Variants in SNTG2 observed in about 807,000 individuals in gnomAD.
The protein encoded by SNTG2 is gamma-2-syntrophin.
SNTG2 carries 74 observed loss-of-function variants against 70.9 expected under a neutral mutation model. The ratio of observed to expected loss-of-function variants is 1.04; its 90% confidence interval spans 0.86 to 1.27. The LOEUF (loss-of-function observed/expected upper bound fraction) is 1.27. Ranked by LOEUF, SNTG2 falls within the 50% of genes most tolerant of loss-of-function variation. The pLI, the probability that SNTG2 is intolerant of heterozygous loss-of-function variation, is 0.00. For missense variants in SNTG2, 717 were observed against 690.7 expected (o/e 1.04, Z -0.43); for synonymous variants, 278 against 273.8 (o/e 1.02, Z -0.15).
At chr2:1,113,378 A>G (rs74687406) in intron 4 of SNTG2, among the ~76,000 whole-genome samples, 1 of 143,764 alleles carries the variant, frequency 7.0e-6, no homozygotes, top group African/African-American at 2.6e-5. Flanking sequence ...AGTGTTTTGA[A>G]AAGGATCGTG....
chr2:1,194,164 A>G (rs1174600958), intron 8 of SNTG2, among the ~76,000 whole-genome samples: 2 of 152,210 alleles, frequency 1.3e-5, no homozygotes, highest in East Asian at 1.9e-4. Context: ...TCCTCTCTTT[A>G]TAAGAAGCTG....
chr2:1,261,141 AT>A (rs1287420976), intron 13 of SNTG2, among the ~76,000 whole-genome samples: 1 of 152,204 alleles, frequency 6.6e-6, no homozygotes, highest in Non-Finnish European at 1.5e-5. Flanking sequence ...TAAAAAAGAG[AT>A]TAAATTATAT....
intron 2 of SNTG2, among the ~76,000 whole-genome samples, chr2:1,087,168 C>T (rs1307388005): frequency 6.6e-6 from 1 of 152,180 alleles, no homozygotes; most frequent in Non-Finnish European, 1.5e-5. Context: ...CGACAGATAG[C>T]AGGAGGGGTA....
chr2:1,134,991 C>G (rs912823201), intron 4 of SNTG2, among the ~76,000 whole-genome samples: 5 of 152,182 alleles, frequency 3.3e-5, no homozygotes, highest in African/African-American at 1.2e-4. Flanking sequence ...TTGAGACAGA[C>G]GCTGGGCTGC....
At chr2:953,998 C>T (rs1164311593) in intron 1 of SNTG2, among the ~76,000 whole-genome samples, 2 of 152,038 alleles carry the variant, frequency 1.3e-5, no homozygotes, top group African/African-American at 4.8e-5. Context: ...GGTGTGTTTG[C>T]ATCGCAGGCC....
intron 4 of SNTG2, among the ~76,000 whole-genome samples, chr2:1,128,224 A>G (rs6724119): frequency 0.59 from 90,381 of 151,956 alleles, 27,597 homozygotes; most frequent in East Asian, 0.72. Context: ...TTGCCATTCT[A>G]TAAGGAATGC....
chr2:1,014,651 G>T (rs1324556041), intron 1 of SNTG2, among the ~76,000 whole-genome samples: 1 of 140,730 alleles, frequency 7.1e-6, no homozygotes, highest in Non-Finnish European at 1.6e-5. Context: ...GTCTGTAGAG[G>T]GATTTATATG....
intron 9 of SNTG2, among the ~76,000 whole-genome samples, chr2:1,223,499 T>C (rs1265055881): frequency 6.6e-6 from 1 of 152,254 alleles, no homozygotes; most frequent in African/African-American, 2.4e-5. Context: ...GGGATCCCTG[T>C]GCTCCTAGCC....
intron 9 of SNTG2, among the ~76,000 whole-genome samples, chr2:1,214,386 A>G (rs1441258086): frequency 6.6e-6 from 1 of 152,162 alleles, no homozygotes; most frequent in Non-Finnish European, 1.5e-5. Context: ...TGAATGCAGG[A>G]TATCTTTCCA....
chr2:1,010,102 G>A (rs141900093), intron 1 of SNTG2, among the ~76,000 whole-genome samples: 98 of 152,100 alleles, frequency 6.4e-4, no homozygotes, highest in South Asian at 1.5e-3. Context: ...TATAATATGT[G>A]ATTCAAAGGG....
chr2:1,219,902 G>A (rs1464910948), intron 9 of SNTG2: 1 of 152,170 alleles, frequency 6.6e-6, no homozygotes, highest in Non-Finnish European at 1.5e-5. Flanking sequence ...TATTTCAGAA[G>A]AAGAAGGCAG....
chr2:1,263,399 C>T (rs1388686228), intron 13 of SNTG2, among the ~76,000 whole-genome samples: 1 of 151,986 alleles, frequency 6.6e-6, no homozygotes, highest in African/African-American at 2.4e-5. Flanking sequence ...GATGACAAAA[C>T]ATAGTAATAA....
chr2:953,175 A>G (rs1660033592), intron 1 of SNTG2, among the ~76,000 whole-genome samples: 2 of 152,044 alleles, frequency 1.3e-5, no homozygotes, highest in Non-Finnish European at 2.9e-5. Flanking sequence ...CCTGTTCCCG[A>G]TGTTTTTTTC....
At chr2:1,267,316 G>T in intron 13 of SNTG2, 49 bp from the exon 14 acceptor site, 1 of 1,522,516 alleles carries the variant, frequency 6.6e-7, no homozygotes, top group Non-Finnish European at 8.9e-7. Flanking sequence ...CTCAGCATGG[G>T]AATGACCTTC....
chr2:1,207,785 A>T (rs1673738906), intron 8 of SNTG2, among the ~76,000 whole-genome samples: 1 of 152,212 alleles, frequency 6.6e-6, no homozygotes, highest in African/African-American at 2.4e-5. Context: ...GAGCCAGTTC[A>T]GCGGCACAGA....
At chr2:1,192,381 T>C (rs1672649633) in intron 8 of SNTG2, among the ~76,000 whole-genome samples, 1 of 152,182 alleles carries the variant, frequency 6.6e-6, no homozygotes, top group South Asian at 2.1e-4. Flanking sequence ...TTACAAGGGG[T>C]GTTCCCTAGC....
chr2:1,184,121 A>C (rs1358993049), intron 8 of SNTG2, among the ~76,000 whole-genome samples: 1 of 152,200 alleles, frequency 6.6e-6, no homozygotes, highest in African/African-American at 2.4e-5. Context: ...CCAGTCCATC[A>C]GGAGACTAAG....
intron 1 of SNTG2, among the ~76,000 whole-genome samples, chr2:991,406 C>CACACACACA (rs1238273034): frequency 1.3e-5 from 2 of 151,310 alleles, no homozygotes; most frequent in Non-Finnish European, 2.9e-5. Context: ...CACACACACA[C>CACACACACA]AATTATGACT....
intron 1 of SNTG2, among the ~76,000 whole-genome samples, chr2:985,287 G>A (rs1661267975): frequency 1.3e-5 from 2 of 151,890 alleles, no homozygotes; most frequent in South Asian, 4.1e-4. Context: ...AGAAAGACAA[G>A]TTGATTTTTT....
Sources: gnomAD v4.1 joint callset for allele counts (sites outside exome capture counted in the v4.1 genomes callset) on GRCh38, gnomAD v4.1.1 for gene constraint, MANE v1.5 for transcripts, NCBI Gene and HGNC (gene_info 2026-07-23, HGNC 2026-07-21) for gene names.